ADAMTS3: variants seen among roughly 807,000 people sequenced by gnomAD.
The protein encoded by ADAMTS3 is ADAM metallopeptidase with thrombospondin type 1 motif 3.
Under a neutral mutation model 129.0 loss-of-function variants are expected in ADAMTS3, and 73 were observed. The observed-to-expected ratio is 0.57, with a 90% CI of 0.47 to 0.69. ADAMTS3 has a LOEUF of 0.69. Ranked by LOEUF, ADAMTS3 falls within the 30% of genes least tolerant of loss-of-function variation. The pLI is 0.00. For synonymous variants in ADAMTS3, 477 were observed against 510.8 expected (o/e 0.93, Z 0.89); for missense variants, 1,457 against 1,514.5 (o/e 0.96, Z 0.63).
At position 72,548,868 on chromosome 4, in the gene ADAMTS3, T is replaced by A. The variant is rs1578786024; in HGVS notation, c.114A>T (p.Arg38Ser). 6.2e-7 allele frequency: 1 copy of A among 1,609,038 alleles called. No individual in the cohort carries two copies. The highest frequency in any genetic ancestry group is 8.5e-7 in the Non-Finnish European group (1 of 1,177,238). ...EMVQIDLPIK[R>S]YREYELVTPV... ...GAGTCACCAGCTCATACTCTCTATA[T>A]CTCTTTATTGGTAAATCTGTGGGGT... The change falls in exon 3 of 22, where the codon AGA (arginine) becomes AGT (serine). Residue 38 changes from arginine (R) to serine (S), a missense_variant. Transcript: ENST00000286657.
intron 4 of ADAMTS3, among the ~76,000 whole-genome samples, chr4:72,392,280 G>A (rs1201129367): frequency 3.3e-5 from 5 of 152,076 alleles, no homozygotes; most frequent in Middle Eastern, 3.2e-3. Context: ...ATTCCATCTC[G>A]AAACAAGAGG....
At chr4:72,472,617 T>C (rs759598238) in intron 3 of ADAMTS3, among the ~76,000 whole-genome samples, 1 of 152,128 alleles carries the variant, frequency 6.6e-6, no homozygotes. Context: ...GACATTAAAA[T>C]TAGATTCTGT....
In ADAMTS3 at chr4:72,313,708, G is replaced by C. The variant is rs150168072; in HGVS notation, c.1714C>G (p.Arg572Gly). The C allele has an allele frequency of 3.7e-6, 6 of 1,613,468 alleles. No homozygotes were observed. In the African/African-American group the frequency reaches 8.0e-5, roughly 22 times the overall value. The part of the protein sequence containing the change: ...SCSRTCGTGV[R>G]FRTRQCNNPM... ...TTATTGCACTGGCGTGTTCTGAAAC[G>C]AACACCAGTTCCACATGTCCGAGAA... is the stretch of plus-strand genomic sequence containing the variant. Residue 572 changes from arginine to glycine, a missense_variant, in exon 12 of 22, where the codon CGT (arginine) becomes GGT (glycine). Arg to Gly is a moderately radical substitution (Grantham distance 125). Transcript: ENST00000286657.
At chr4:72,419,903 T>TAA (rs1722401282) in intron 3 of ADAMTS3, among the ~76,000 whole-genome samples, 1 of 152,092 alleles carries the variant, frequency 6.6e-6, no homozygotes, top group African/African-American at 2.4e-5. Flanking sequence ...AAAAAGAATG[T>TAA]TGATCGGATG....
chr4:72,425,578 T>A (rs1242249298), intron 3 of ADAMTS3, among the ~76,000 whole-genome samples: 1 of 152,176 alleles, frequency 6.6e-6, no homozygotes, highest in East Asian at 1.9e-4. Flanking sequence ...AGTGAGAACA[T>A]GCAGTGTTTG....
chr4:72,446,993 T>A (rs1718269284), intron 3 of ADAMTS3, among the ~76,000 whole-genome samples: 1 of 151,682 alleles, frequency 6.6e-6, no homozygotes, highest in South Asian at 2.1e-4. Flanking sequence ...GGTTAAACAG[T>A]CTTTTCTTGA....
At chr4:72,475,013 C>T (rs1719190477) in intron 3 of ADAMTS3, among the ~76,000 whole-genome samples, 2 of 146,554 alleles carry the variant, frequency 1.4e-5, no homozygotes, top group South Asian at 2.1e-4. Flanking sequence ...GGCGACAGAG[C>T]GAGACTCCGT....
At chr4:72,430,702 A>C (rs1722676193) in intron 3 of ADAMTS3, among the ~76,000 whole-genome samples, 1 of 152,018 alleles carries the variant, frequency 6.6e-6, no homozygotes, top group South Asian at 2.1e-4. Context: ...AATTAGAGTT[A>C]ATGTAGAGAA....
chr4:72,404,480 A>G (rs1056471516), intron 4 of ADAMTS3, among the ~76,000 whole-genome samples: 1 of 152,068 alleles, frequency 6.6e-6, no homozygotes, highest in African/African-American at 2.4e-5. Context: ...TTGAACCCTC[A>G]TCTTACACCA....
chr4:72,523,976 G>A (rs1720741742), intron 3 of ADAMTS3, among the ~76,000 whole-genome samples: 1 of 151,798 alleles, frequency 6.6e-6, no homozygotes, highest in Admixed American at 6.6e-5. Flanking sequence ...TCTATTGTTA[G>A]GAAACTAAAA....
At chr4:72,379,635 C>T (rs1212124818) in intron 4 of ADAMTS3, among the ~76,000 whole-genome samples, 1 of 152,036 alleles carries the variant, frequency 6.6e-6, no homozygotes, top group Non-Finnish European at 1.5e-5. Context: ...TCAAGTTTTG[C>T]ATATTCCAAT....
chr4:72,470,219 C>T lies in ADAMTS3; in HGVS notation c.505-55248G>A, dbSNP rs769863505. On this transcript the variant is annotated intron_variant, in intron 3 of 21. Transcript: ENST00000286657. ...ATCGGGATTCTAGCCCTTTCAGCAA[C>T]TCCTCTTACTTGGTCATGGGCAAAA... 2.2e-3 allele frequency among the ~76,000 whole-genome samples: 336 copies of T among 151,958 alleles called. 3 individuals are homozygous for T. The highest frequency in any genetic ancestry group is 2.0e-3 in the Non-Finnish European group (133 of 68,010).
chr4:72,524,174 T>C (rs1025393826), intron 3 of ADAMTS3, among the ~76,000 whole-genome samples: 3 of 152,034 alleles, frequency 2.0e-5, no homozygotes, highest in African/African-American at 4.8e-5. Context: ...CCTGAAGTCC[T>C]TTCAGGAATA....
intron 4 of ADAMTS3, among the ~76,000 whole-genome samples, chr4:72,387,643 G>T (rs561331451): frequency 6.6e-6 from 1 of 152,112 alleles, no homozygotes; most frequent in Non-Finnish European, 1.5e-5. Flanking sequence ...GGGGCACAAG[G>T]CTAATTAGCA....
intron 3 of ADAMTS3, among the ~76,000 whole-genome samples, chr4:72,536,942 C>T (rs1027873542): frequency 4.6e-5 from 7 of 151,958 alleles, no homozygotes; most frequent in African/African-American, 1.5e-4. Flanking sequence ...TAAAATGTAA[C>T]AGGTAATATT....
intron 3 of ADAMTS3, among the ~76,000 whole-genome samples, chr4:72,490,889 G>A (rs1197690734): frequency 2.0e-5 from 3 of 151,822 alleles, no homozygotes; most frequent in African/African-American, 7.2e-5. Flanking sequence ...GCTTTTGATA[G>A]AAATGCACTG....
chr4:72,318,709 A>G lies in ADAMTS3; in HGVS notation c.1353-5T>C, dbSNP rs1327773741. The G allele has an allele frequency of 6.2e-7, 1 of 1,608,794 alleles. No individual in the cohort carries two copies. On this transcript the variant is annotated splice_region_variant and splice_polypyrimidine_tract_variant and intron_variant, in intron 9 of 21. Transcript: ENST00000286657. ...TCAAGGAGACAGTCATAGGAACTGTAGGAAGAAAAATATTGCATGTAGTTA... is the reference window on the plus strand; with the variant it reads ...TCAAGGAGACAGTCATAGGAACTGTGGGAAGAAAAATATTGCATGTAGTTA...
intron 9 of ADAMTS3, 24 bp downstream of exon 9, chr4:72,319,308 C>G (rs774127005): frequency 6.2e-7 from 1 of 1,612,882 alleles, no homozygotes; most frequent in South Asian, 1.1e-5. Flanking sequence ...TAAATACTTT[C>G]ATGACATGCA....
intron 2 of ADAMTS3, among the ~76,000 whole-genome samples, chr4:72,566,786 A>G (rs1425427002): frequency 4.1e-5 from 1 of 24,498 alleles, no homozygotes; most frequent in Non-Finnish European, 1.2e-4. Flanking sequence ...CTCCTCACCC[A>G]TAAAATGGGA....
Sources: gnomAD v4.1 joint callset for allele counts (sites outside exome capture counted in the v4.1 genomes callset) on GRCh38, gnomAD v4.1.1 for gene constraint, MANE v1.5 for transcripts, NCBI Gene and HGNC (gene_info 2026-07-23, HGNC 2026-07-21) for gene names.